Variants in SMIM19 observed in about 807,000 individuals in gnomAD.
SMIM19 encodes the protein UPF0697 protein C8orf40.
Under a neutral mutation model 13.2 loss-of-function variants are expected in SMIM19, and 6 were observed. The ratio of observed to expected loss-of-function variants is 0.45; its 90% CI spans 0.25 to 0.90. SMIM19 has a LOEUF of 0.90. Ranked by LOEUF, SMIM19 falls within the 40% of genes least tolerant of loss-of-function variation. The probability of loss-of-function intolerance (pLI) is 0.19; values close to 1 mark genes in which losing one functional copy is unlikely to be tolerated. For missense variants in SMIM19, 138 were observed against 131.0 expected, an observed-to-expected ratio of 1.05 and a Z score of -0.26; for synonymous variants, 46 against 43.1, an observed-to-expected ratio of 1.07 and a Z score of -0.27.
chr8:42,543,221 G>A (rs959819876), intron 1 of SMIM19, among the ~76,000 whole-genome samples: 2 of 152,192 alleles, frequency 1.3e-5, no homozygotes, highest in East Asian at 1.9e-4. Flanking sequence ...CGCAGCAGGT[G>A]TATGTGTGTA....
chr8:42,543,938 A>C (rs1019931097), intron 1 of SMIM19, among the ~76,000 whole-genome samples: 3 of 152,102 alleles, frequency 2.0e-5, no homozygotes, highest in Non-Finnish European at 4.4e-5. Flanking sequence ...GGTGGTTGCT[A>C]TTTTACACTT....
intron 2 of SMIM19, among the ~76,000 whole-genome samples, chr8:42,548,116 G>A (rs767222106): frequency 3.8e-4 from 58 of 152,174 alleles, no homozygotes; most frequent in Middle Eastern, 3.2e-3. Flanking sequence ...CACCTGGCAG[G>A]TGACCGCTTT....
chr8:42,545,872 T>TA (rs1289294112), intron 1 of SMIM19, among the ~76,000 whole-genome samples: 3 of 152,224 alleles, frequency 2.0e-5, no homozygotes, highest in Non-Finnish European at 4.4e-5. Flanking sequence ...CTCTGGGTGT[T>TA]ACAATTTGGA....
chr8:42,547,942 A>T (rs1813543520), intron 2 of SMIM19, among the ~76,000 whole-genome samples: 1 of 152,168 alleles, frequency 6.6e-6, no homozygotes, highest in South Asian at 2.1e-4. Flanking sequence ...GGCATTCGAG[A>T]GTTCAAGGTA....
intron 1 of SMIM19, among the ~76,000 whole-genome samples, chr8:42,545,964 A>G (rs28457823): frequency 0.045 from 6,890 of 152,264 alleles, 522 homozygotes; most frequent in African/African-American, 0.15. Flanking sequence ...GATTGTAAAT[A>G]TTTTAGGTTT....
At chr8:42,542,591 C>T in intron 1 of SMIM19, 1 of 435,602 alleles carries the variant, frequency 2.3e-6, no homozygotes, top group Non-Finnish European at 3.1e-6. Flanking sequence ...TTTAGAATCA[C>T]CTAGACGTGA....
intron 1 of SMIM19, 171 bp from the exon 2 acceptor site, chr8:42,546,298 C>A: frequency 1.5e-6 from 1 of 648,534 alleles, no homozygotes. Flanking sequence ...GCCAACTGCA[C>A]CATTTAAAAT....
In SMIM19 at chr8:42,546,611, A is replaced by C; in HGVS notation, c.134+5A>C. 1 of 1,605,438 alleles carries C rather than the reference A, an allele frequency of 6.2e-7. No individual in the cohort carries two copies. The highest frequency in any genetic ancestry group is 1.1e-5 in the South Asian group (1 of 88,832). On this transcript the variant is annotated splice_donor_5th_base_variant and intron_variant, in intron 2 of 3. Coordinates refer to ENST00000417410, the MANE Select transcript of SMIM19 (RefSeq NM_001135674.2). ...TCTCTTCATGTATGCCAAAAGGTAA[A>C]TTTTTGTTTCTCAGGGTAGATAAAA...
chr8:42,551,968 T>G (rs2131499456), intron 3 of SMIM19, among the ~76,000 whole-genome samples: 1 of 152,198 alleles, frequency 6.6e-6, no homozygotes, highest in Admixed American at 6.5e-5. Context: ...TTTTGAAATT[T>G]TAATAGCTTA....
In SMIM19 at chr8:42,541,773, GCCGCCCGCC is replaced by G. The variant is rs1221932391; in HGVS notation, c.-598_-590del. On this transcript the variant is annotated 5_prime_UTR_variant, in exon 1 of 4. Coordinates refer to ENST00000417410, the MANE Select transcript of SMIM19 (RefSeq NM_001135674.2). ...GCCGCGTCACCCGGCCCCGCCCCGC[GCCGCCCGCC>G]CCGCCCCGGACGCGGGGGTAAGGGG... 1 of 149,798 alleles carries G rather than the reference GCCGCCCGCC, an allele frequency of 6.7e-6. No individual in the cohort carries two copies. The highest frequency in any genetic ancestry group is 1.5e-5 in the Non-Finnish European group (1 of 67,230). 9.3% of individuals were successfully genotyped at this position (149,798 alleles called of 1,614,324 possible).
In SMIM19 at chr8:42,553,260, A is replaced by G. The variant is rs1054913997; in HGVS notation, c.*652A>G. ...CCGTCTTTTCTACAGCATGATGCAT[A>G]CTCCTGTGCTAATTTTAGAAGCTTT... On this transcript the variant is annotated 3_prime_UTR_variant, in exon 4 of 4. Transcript: ENST00000417410. 1 of 151,322 alleles carries G rather than the reference A, an allele frequency of 6.6e-6. No homozygotes were observed. Among genetic ancestry groups the G allele is most frequent in the Non-Finnish European group, 1.5e-5 (1 of 67,936 alleles). The allele number at this position is 151,322 out of a possible 1,614,324, so 9.4% of individuals were successfully genotyped here. A position where few individuals can be genotyped will look rare whatever the true frequency, so the allele number is the denominator to read the frequency against.
chr8:42,541,423 G>A (rs1468081007), upstream of SMIM19: 4 of 146,964 alleles, frequency 2.7e-5, no homozygotes, highest in Non-Finnish European at 6.0e-5. Context: ...TCGCGGCGCG[G>A]TAGGGGAAAG....
chr8:42,548,508 G>A, intron 2 of SMIM19, 148 bp from the exon 3 acceptor site: 2 of 968,094 alleles, frequency 2.1e-6, no homozygotes, highest in Admixed American at 3.9e-5. Flanking sequence ...TTGAGCCAAG[G>A]AAGCAGCTCT....
chr8:42,541,173 G>A (rs983630047), upstream of SMIM19: 2 of 152,162 alleles, frequency 1.3e-5, no homozygotes, highest in Non-Finnish European at 2.9e-5. Flanking sequence ...CGCGCACAGC[G>A]GAGCAGGAGG....
intron 1 of SMIM19, among the ~76,000 whole-genome samples, chr8:42,543,532 T>C (rs1813357949): frequency 6.6e-6 from 1 of 152,210 alleles, no homozygotes; most frequent in African/African-American, 2.4e-5. Flanking sequence ...CGTTAAAATT[T>C]TACCGTTCTA....
Position 42,552,848 on chromosome 8 carries a change from T to C in SMIM19, c.*240T>C. Reference sequence around the variant, plus strand: ...TGTAACCAGCGATGGTGACTTGACCTTGCCAAGACCTGTGATTCCTTCAGG... The same window carrying C: ...TGTAACCAGCGATGGTGACTTGACCCTGCCAAGACCTGTGATTCCTTCAGG... On this transcript the variant is annotated 3_prime_UTR_variant, in exon 4 of 4. Transcript: ENST00000417410. The C allele has an allele frequency of 2.3e-6, 1 of 429,494 alleles. No homozygotes were observed. Among genetic ancestry groups the C allele is most frequent in the Non-Finnish European group, 4.1e-6 (1 of 241,482 alleles). The allele number at this position is 429,494 out of a possible 1,614,324, so 26.6% of individuals were successfully genotyped here.
intron 3 of SMIM19, among the ~76,000 whole-genome samples, chr8:42,551,123 C>T (rs972678619): frequency 1.1e-4 from 17 of 151,984 alleles, no homozygotes; most frequent in African/African-American, 3.4e-4. Context: ...TCGAGACCAT[C>T]CTGGCTAACA....
chr8:42,546,303 TA>T, intron 1 of SMIM19, 165 bp from the exon 2 acceptor site: 1 of 710,612 alleles, frequency 1.4e-6, no homozygotes, highest in Non-Finnish European at 2.1e-6. Context: ...CTGCACCATT[TA>T]AAATGTGCCA....
intron 1 of SMIM19, 171 bp from the exon 2 acceptor site, chr8:42,546,298 C>T: frequency 1.5e-6 from 1 of 648,534 alleles, no homozygotes; most frequent in African/African-American, 1.8e-5. Flanking sequence ...GCCAACTGCA[C>T]CATTTAAAAT....
Sources: allele counts gnomAD v4.1 joint callset (sites outside exome capture counted in the v4.1 genomes callset), GRCh38; gene constraint gnomAD v4.1.1; transcripts MANE v1.5; gene names NCBI Gene and HGNC (gene_info 2026-07-23, HGNC 2026-07-21).